The following ABI1 variants were observed in gnomAD, a reference collection of about 807,000 sequenced individuals.
ABI1 encodes the protein Abelson interactor 1.
Under a neutral mutation model 54.6 loss-of-function variants are expected in ABI1, and 14 were observed. The ratio of observed to expected loss-of-function variants is 0.26; its 90% CI spans 0.17 to 0.40. The LOEUF is 0.40. ABI1 is among the 10% of genes least tolerant of loss of function. The pLI is 1.00. For synonymous variants in ABI1, 194 were observed against 209.3 expected (o/e 0.93, Z 0.63); for missense variants, 443 against 598.3 (o/e 0.74, Z 2.71).
At chr10:26,846,821 C>T (rs10829107) in intron 1 of ABI1, among the ~76,000 whole-genome samples, 21,412 of 152,086 alleles carry the variant, frequency 0.14, 1,892 homozygotes, top group African/African-American at 0.25. Flanking sequence ...ACACATGCTG[C>T]TCTCCCCTCC....
chr10:26,818,030 A>G (rs890206551), intron 2 of ABI1, among the ~76,000 whole-genome samples: 2 of 151,358 alleles, frequency 1.3e-5, no homozygotes, highest in African/African-American at 2.4e-5. Flanking sequence ...ATGGTGGCGC[A>G]TGCCCGAAGT....
intron 9 of ABI1, among the ~76,000 whole-genome samples, chr10:26,752,275 T>C (rs1023454824): frequency 6.6e-6 from 1 of 152,218 alleles, no homozygotes; most frequent in Non-Finnish European, 1.5e-5. Flanking sequence ...TTTTTGTTTC[T>C]TTGTTGATTA....
rs538941895 is a variant in ABI1 at position 26,786,211 on chromosome 10, C to G, written c.286-8970G>C. On this transcript the variant is annotated intron_variant, in intron 2 of 10. Coordinates refer to ENST00000376140, the MANE Select transcript of ABI1 (RefSeq NM_001012750.3). The stretch of plus-strand genomic sequence containing the variant: ...AAAGAGCCCCATTTTTGTAGAATGC[C>G]TCTCTACACTTTTTTTTTTTTTGAC... Among the ~76,000 whole-genome samples, 174 of 150,872 alleles carry G rather than the reference C, an allele frequency of 1.2e-3. 1 individual carries two copies. The highest frequency in any genetic ancestry group is 3.9e-3 in the African/African-American group (162 of 41,316).
intron 1 of ABI1, among the ~76,000 whole-genome samples, chr10:26,858,529 C>CAA (rs1366626506): frequency 9.9e-4 from 46 of 46,500 alleles, no homozygotes; most frequent in Non-Finnish European, 1.5e-3. Context: ...CCCGCCCCCA[C>CAA]AAAAAAAGAA....
At chr10:26,800,110 G>A (rs1276915762) in intron 2 of ABI1, among the ~76,000 whole-genome samples, 3 of 151,926 alleles carry the variant, frequency 2.0e-5, no homozygotes, top group African/African-American at 2.4e-5. Flanking sequence ...CGGGCCGGGC[G>A]CAGTGGCTCA....
chr10:26,757,247 T>A (rs1484309904), intron 8 of ABI1, among the ~76,000 whole-genome samples: 1 of 152,128 alleles, frequency 6.6e-6, no homozygotes. Flanking sequence ...TAACTCAGAT[T>A]GAAGGATAAT....
intron 2 of ABI1, among the ~76,000 whole-genome samples, chr10:26,798,931 T>C (rs1009744681): frequency 2.6e-5 from 4 of 152,022 alleles, no homozygotes; most frequent in Admixed American, 1.3e-4. Context: ...GGAGTCAGCA[T>C]GTACACATGT....
At chr10:26,781,920 G>A (rs563054957) in intron 2 of ABI1, among the ~76,000 whole-genome samples, 1 of 152,294 alleles carries the variant, frequency 6.6e-6, no homozygotes, top group East Asian at 1.9e-4. Context: ...TATCATCATA[G>A]AGTGGATACA....
At chr10:26,750,605 C>T (rs1338323843) in intron 10 of ABI1, among the ~76,000 whole-genome samples, 2 of 152,204 alleles carry the variant, frequency 1.3e-5, no homozygotes, top group Non-Finnish European at 2.9e-5. Flanking sequence ...GCTTAAAGTC[C>T]GTTAACCCAG....
intron 2 of ABI1, among the ~76,000 whole-genome samples, chr10:26,805,321 G>A (rs368593549): frequency 5.9e-4 from 89 of 151,666 alleles, no homozygotes; most frequent in African/African-American, 2.0e-3. Context: ...GTGAGTGAAC[G>A]GCTTACAGAC....
At chr10:26,802,862 C>T (rs1373256005) in intron 2 of ABI1, among the ~76,000 whole-genome samples, 1 of 152,152 alleles carries the variant, frequency 6.6e-6, no homozygotes, top group Admixed American at 6.5e-5. Flanking sequence ...TACCTGTTTT[C>T]TACACTAGCT....
intron 2 of ABI1, among the ~76,000 whole-genome samples, chr10:26,806,938 C>A (rs566820706): frequency 6.6e-6 from 1 of 152,304 alleles, no homozygotes; most frequent in South Asian, 2.1e-4. Context: ...AAGAAATCAT[C>A]ATTTGTCCAA....
chr10:26,823,001 GT>G (rs2048083899), intron 2 of ABI1, 136 bp downstream of exon 2: 1 of 746,504 alleles, frequency 1.3e-6, no homozygotes. Flanking sequence ...AAAACAGCAG[GT>G]TTACCAAACT....
At chr10:26,781,826 A>G (rs1842152028) in intron 2 of ABI1, among the ~76,000 whole-genome samples, 1 of 152,172 alleles carries the variant, frequency 6.6e-6, no homozygotes, top group Admixed American at 6.5e-5. Flanking sequence ...GACCAATTAT[A>G]ATCAAGCCAC....
chr10:26,846,660 T>G (rs1225265509), intron 1 of ABI1, among the ~76,000 whole-genome samples: 1 of 152,158 alleles, frequency 6.6e-6, no homozygotes, highest in East Asian at 1.9e-4. Context: ...AAACTTTCAA[T>G]GCCTTCTCAT....
intron 5 of ABI1, 94 bp from the exon 6 acceptor site, chr10:26,769,086 T>C: frequency 1.1e-6 from 1 of 917,786 alleles, no homozygotes; most frequent in Non-Finnish European, 1.5e-6. Context: ...TGACCATGTA[T>C]ACCAGGATTT....
chr10:26,827,588 T>C (rs1215028672), intron 1 of ABI1, among the ~76,000 whole-genome samples: 1 of 66,634 alleles, frequency 1.5e-5, no homozygotes, highest in African/African-American at 5.6e-5. Flanking sequence ...TTTCACTTTC[T>C]GTTTTTTGTT....
At chr10:26,785,933 CA>C (rs1479201181) in intron 2 of ABI1, among the ~76,000 whole-genome samples, 1 of 152,122 alleles carries the variant, frequency 6.6e-6, no homozygotes, top group Admixed American at 6.5e-5. Flanking sequence ...CAAACTGGCA[CA>C]AATGCTAACA....
At chr10:26,852,100 C>A (rs1382421855) in intron 1 of ABI1, among the ~76,000 whole-genome samples, 1 of 152,000 alleles carries the variant, frequency 6.6e-6, no homozygotes, top group Non-Finnish European at 1.5e-5. Flanking sequence ...ACGAGGACAG[C>A]TGGGGAACAT....
Sources: allele counts gnomAD v4.1 joint callset (sites outside exome capture counted in the v4.1 genomes callset), GRCh38; gene constraint gnomAD v4.1.1; transcripts MANE v1.5; gene names NCBI Gene and HGNC (gene_info 2026-07-23, HGNC 2026-07-21).